CDH13: variants seen among roughly 807,000 people sequenced by gnomAD.
The protein encoded by CDH13 is cadherin 13.
In CDH13, 24 loss-of-function variants were observed where a neutral mutation model predicts 63.8. The ratio of observed to expected loss-of-function variants is 0.38; its 90% CI spans 0.27 to 0.53. The LOEUF is 0.53. Ranked by LOEUF, CDH13 falls within the 20% of genes least tolerant of loss-of-function variation. The pLI, the probability that CDH13 is intolerant of heterozygous loss-of-function variation, is 0.85. For missense variants in CDH13, 1,049 were observed against 903.1 expected, an observed-to-expected ratio of 1.16 and a Z score of -2.07; for synonymous variants, 503 against 355.3, an observed-to-expected ratio of 1.42 and a Z score of -4.67.
chr16:83,220,261 G>T (rs910080150), intron 5 of CDH13, among the ~76,000 whole-genome samples: 1 of 152,096 alleles, frequency 6.6e-6, no homozygotes, highest in Admixed American at 6.6e-5. Context: ...ATCATTCTGC[G>T]GTTCTTTATT....
chr16:82,717,307 G>C (rs4783259), intron 1 of CDH13, among the ~76,000 whole-genome samples: 1 of 151,632 alleles, frequency 6.6e-6, no homozygotes, highest in Non-Finnish European at 1.5e-5. Flanking sequence ...GTGGTGGTTC[G>C]CAGCTGTAAT....
chr16:82,934,066 C>A (rs1203694587), intron 2 of CDH13, among the ~76,000 whole-genome samples: 1 of 152,196 alleles, frequency 6.6e-6, no homozygotes, highest in African/African-American at 2.4e-5. Context: ...CTAGGCAGTG[C>A]CCCAGTGGGG....
intron 2 of CDH13, chr16:82,953,336 C>G (rs562980516): frequency 6.6e-6 from 1 of 152,308 alleles, no homozygotes; most frequent in African/African-American, 2.4e-5. Context: ...AACAGATACA[C>G]TTCTTAATGA....
chr16:83,111,409 G>A (rs536961763), intron 3 of CDH13, among the ~76,000 whole-genome samples: 2 of 152,244 alleles, frequency 1.3e-5, no homozygotes, highest in African/African-American at 2.4e-5. Flanking sequence ...TTAGACTAAA[G>A]CATAAATAAT....
intron 6 of CDH13, among the ~76,000 whole-genome samples, chr16:83,474,963 C>T (rs569108030): frequency 9.2e-5 from 14 of 152,340 alleles, no homozygotes; most frequent in East Asian, 5.8e-4. Context: ...TTGTTGCCTG[C>T]GCAGCTGAGT....
intron 1 of CDH13, among the ~76,000 whole-genome samples, chr16:82,665,911 T>C (rs1401739707): frequency 6.6e-6 from 1 of 152,186 alleles, no homozygotes; most frequent in African/African-American, 2.4e-5. Context: ...ACCACATATT[T>C]CTGGACCAGG....
chr16:82,815,602 A>T (rs2037666038), intron 1 of CDH13, among the ~76,000 whole-genome samples: 1 of 152,164 alleles, frequency 6.6e-6, no homozygotes, highest in South Asian at 2.1e-4. Flanking sequence ...AATAGTGATG[A>T]CTTGAAATTC....
chr16:83,102,948 CTTTTTTTTTTTTTTTTT>C (rs71148813), intron 3 of CDH13, among the ~76,000 whole-genome samples: 1,557 of 68,740 alleles, frequency 0.023, 12 homozygotes, highest in Non-Finnish European at 0.025. Context: ...TTTTCTTTTT[CTTTTTTTTTTTTTTTTT>C]TTTTTGAGGT....
intron 4 of CDH13, among the ~76,000 whole-genome samples, chr16:83,133,819 C>G (rs2036160823): frequency 6.6e-6 from 1 of 152,144 alleles, no homozygotes; most frequent in Non-Finnish European, 1.5e-5. Flanking sequence ...TACTTGATCT[C>G]TTTTATACAT....
intron 2 of CDH13, among the ~76,000 whole-genome samples, chr16:82,917,808 G>T (rs909570855): frequency 3.3e-5 from 5 of 151,686 alleles, no homozygotes; most frequent in African/African-American, 7.3e-5. Flanking sequence ...TCAGATACTT[G>T]GGAGGCTGAG....
intron 7 of CDH13, among the ~76,000 whole-genome samples, chr16:83,591,066 A>G (rs1164791426): frequency 1.3e-5 from 2 of 151,848 alleles, no homozygotes; most frequent in Non-Finnish European, 2.9e-5. Context: ...ACCTGCCACC[A>G]CACCCAGCTA....
intron 1 of CDH13, among the ~76,000 whole-genome samples, chr16:82,677,073 G>A (rs764024794): frequency 1.8e-4 from 27 of 152,184 alleles, no homozygotes; most frequent in South Asian, 4.2e-4. Context: ...TAGTAGAGAC[G>A]GGGTTTCGCC....
chr16:83,381,490 C>T (rs1171526338), intron 6 of CDH13, among the ~76,000 whole-genome samples: 4 of 151,874 alleles, frequency 2.6e-5, no homozygotes, highest in Non-Finnish European at 5.9e-5. Flanking sequence ...CCCTCAAAGC[C>T]CTGGGATGCA....
At chr16:83,276,056 C>G (rs971652826) in intron 5 of CDH13, among the ~76,000 whole-genome samples, 1 of 152,012 alleles carries the variant, frequency 6.6e-6, no homozygotes, top group African/African-American at 2.4e-5. Context: ...ACACCTAGGC[C>G]AAGACTGATT....
intron 13 of CDH13, among the ~76,000 whole-genome samples, chr16:83,788,179 C>A (rs1196557417): frequency 6.6e-6 from 1 of 152,134 alleles, no homozygotes; most frequent in Admixed American, 6.6e-5. Flanking sequence ...ACATCAAAGC[C>A]TCACTCCGTG....
rs553139328 is a variant in CDH13 at position 83,681,996 on chromosome 16, G to A, written c.1538+3535G>A. On this transcript the variant is annotated intron_variant, in intron 10 of 13. Transcript: ENST00000567109. ...CTCCTCCTCCACAAAACAGGAATCA[G>A]GTGTCTCCTGATAACATTTTAGTAT... Among the ~76,000 whole-genome samples the A allele has an allele frequency of 7.9e-5, 12 of 152,260 alleles. No homozygotes were observed. The South Asian group carries it at 2.5e-3, about 32-fold the overall frequency.
chr16:82,630,421 A>G (rs1907866625), intron 1 of CDH13, among the ~76,000 whole-genome samples: 1 of 152,212 alleles, frequency 6.6e-6, no homozygotes, highest in African/African-American at 2.4e-5. Context: ...AGTCTATACT[A>G]AAAGCCCCAA....
intron 10 of CDH13, among the ~76,000 whole-genome samples, chr16:83,696,858 C>T (rs944727858): frequency 6.6e-6 from 1 of 152,136 alleles, no homozygotes; most frequent in African/African-American, 2.4e-5. Context: ...AAGCTCAGAT[C>T]CCGTCTCTCC....
intron 1 of CDH13, among the ~76,000 whole-genome samples, chr16:82,633,277 C>T (rs1205449610): frequency 6.6e-6 from 1 of 152,230 alleles, no homozygotes; most frequent in Admixed American, 6.5e-5. Context: ...ACCAGAACGT[C>T]ACAATAACTT....
Sources: gnomAD v4.1 joint callset for allele counts (sites outside exome capture counted in the v4.1 genomes callset) on GRCh38, gnomAD v4.1.1 for gene constraint, MANE v1.5 for transcripts, NCBI Gene and HGNC (gene_info 2026-07-23, HGNC 2026-07-21) for gene names.